The following FAM161A variants were observed in gnomAD, a reference collection of about 807,000 sequenced individuals.
FAM161A encodes protein FAM161A.
A neutral mutation model predicts 70.9 loss-of-function variants in FAM161A; 57 were observed. That is an observed-to-expected ratio of 0.80 (90% confidence interval 0.65 to 1.00). The LOEUF (loss-of-function observed/expected upper bound fraction) is 1.00, where lower values mean the gene tolerates loss of function less well. Ranked by LOEUF, FAM161A falls within the 50% of genes least tolerant of loss-of-function variation. FAM161A has a pLI of 0.00. For missense variants in FAM161A, 880 were observed against 836.0 expected (o/e 1.05, Z -0.65); for synonymous variants, 299 against 295.7 (o/e 1.01, Z -0.12).
In FAM161A at chr2:61,840,367, G is replaced by T. The variant is rs774563563; in HGVS notation, c.637C>A (p.Arg213Ser). Residue 213 changes from arginine (R) to serine (S), a missense_variant, in exon 3 of 7, where the codon CGC becomes AGC. Physicochemically the swap from Arg to Ser is moderately radical, Grantham distance 110 (BLOSUM62 -1). Transcript: ENST00000404929. ...WTDFCVEDYI[R>S]CKDTGFHAAE... ...GCATGGAAGCCAGTATCTTTACAGC[G>T]AATATAATCCTCAACACAAAAGTCT... The T allele has an allele frequency of 1.9e-6, 3 of 1,613,812 alleles. No individual in the cohort carries two copies. Among genetic ancestry groups the T allele is most frequent in the African/African-American group, 1.3e-5 (1 of 74,846 alleles).
chr2:61,818,176 C>T, the FAM161A span, among the ~76,000 whole-genome samples: 1 of 151,836 alleles, frequency 6.6e-6, no homozygotes, highest in Non-Finnish European at 1.5e-5. Context: ...CTGCCTCAGC[C>T]TCCTGAGTAG....
chr2:61,802,154 A>G, the FAM161A span, among the ~76,000 whole-genome samples: 1 of 152,228 alleles, frequency 6.6e-6, no homozygotes, highest in African/African-American at 2.4e-5. Flanking sequence ...AAAGTACTGC[A>G]TTTGACTTCA....
the FAM161A span, among the ~76,000 whole-genome samples, chr2:61,813,758 G>C: frequency 6.6e-6 from 1 of 151,128 alleles, no homozygotes; most frequent in Non-Finnish European, 1.5e-5. Flanking sequence ...GAAAAAAGTC[G>C]CTCTGATAGC....
chr2:61,824,297 C>T (rs1672277883), downstream of FAM161A, among the ~76,000 whole-genome samples: 1 of 151,826 alleles, frequency 6.6e-6, no homozygotes, highest in Non-Finnish European at 1.5e-5. Context: ...CTCGGCCTCC[C>T]AAAGTGAACA....
In FAM161A at chr2:61,839,785, T is replaced by G; in HGVS notation, c.1219A>C (p.Arg407=). ...PLPCRSACGC[R]NPRCPEQAVK... is the part of the protein sequence containing the mutation. The stretch of plus-strand genomic sequence containing the variant: ...GCCTGTTCAGGACACCTGGGGTTCC[T>G]GCATCCACAAGCTGACCTACAAGGC... The change falls in exon 3 of 7, where the codon AGG becomes CGG. Residue 407 remains arginine, a synonymous_variant. Coordinates refer to ENST00000404929, the MANE Select transcript of FAM161A (RefSeq NM_001201543.2). 6.2e-7 allele frequency: 1 copy of G among 1,614,158 alleles called. No homozygotes were observed. Among genetic ancestry groups the G allele is most frequent in the Non-Finnish European group, 8.5e-7 (1 of 1,180,022 alleles).
rs1438182060 is a variant in FAM161A at position 61,825,793 on chromosome 2, A to G, written c.*662T>C. The G allele has an allele frequency of 2.4e-6, 1 of 418,128 alleles. No individual in the cohort carries two copies. Among genetic ancestry groups the G allele is most frequent in the Non-Finnish European group, 4.7e-6 (1 of 211,968 alleles). The allele number at this position is 418,128 out of a possible 1,614,324, so 25.9% of individuals were successfully genotyped here. A position where few individuals can be genotyped will look rare whatever the true frequency, so the allele number is the denominator to read the frequency against. ...GCTGGGACTACAGGCGCCCACCACCACGCCTGGCTAATTTTTTGTATTTTT... is the reference window on the plus strand; with the variant it reads ...GCTGGGACTACAGGCGCCCACCACCGCGCCTGGCTAATTTTTTGTATTTTT... On this transcript the variant is annotated 3_prime_UTR_variant, in exon 7 of 7. Transcript: ENST00000404929.
At chr2:61,827,420 C>T (rs1451900016) in intron 5 of FAM161A, among the ~76,000 whole-genome samples, 162 bp from the exon 6 acceptor site, 1 of 152,018 alleles carries the variant, frequency 6.6e-6, no homozygotes, top group Admixed American at 6.6e-5. Context: ...ACCATCCTGG[C>T]TAACACGGTG....
chr2:61,851,226 G>A (rs1267255301), intron 1 of FAM161A, among the ~76,000 whole-genome samples: 2 of 152,156 alleles, frequency 1.3e-5, no homozygotes, highest in African/African-American at 4.8e-5. Context: ...ATTCTGTGAG[G>A]ATGTGAGCTA....
At chr2:61,853,158 C>T (rs899403081) in intron 1 of FAM161A, among the ~76,000 whole-genome samples, 2 of 152,092 alleles carry the variant, frequency 1.3e-5, no homozygotes, top group Admixed American at 6.5e-5. Context: ...AACCCGCCCA[C>T]CTCGGCCTCC....
chr2:61,849,826 C>A (rs909210412), intron 1 of FAM161A, among the ~76,000 whole-genome samples: 1 of 144,440 alleles, frequency 6.9e-6, no homozygotes, highest in Non-Finnish European at 1.5e-5. Flanking sequence ...TCCTTCACAG[C>A]CACGTGGATG....
rs1427605540 is a variant in FAM161A at position 61,826,531 on chromosome 2, C to T, written c.2075G>A (p.Ser692Asn). The change falls in exon 7 of 7, where the codon AGC becomes AAC. Residue 692 changes from serine (S) to asparagine (N), a missense_variant. Physicochemically the swap from Ser to Asn is conservative, Grantham distance 46. Coordinates refer to ENST00000404929, the MANE Select transcript of FAM161A (RefSeq NM_001201543.2). ...GEENYFIDTN[S>N]QDSYKEKDEA... is the part of the protein sequence containing the mutation. ...ATCTTTTTCCTTGTAAGAATCCTGG[C>T]TGTTGGTATCAATAAAATAATTTTC... The T allele has an allele frequency of 6.2e-7, 1 of 1,604,390 alleles. No homozygotes were observed. Among genetic ancestry groups the T allele is most frequent in the Middle Eastern group, 1.7e-4 (1 of 5,992 alleles).
chr2:61,817,955 C>A, the FAM161A span, among the ~76,000 whole-genome samples: 1 of 152,048 alleles, frequency 6.6e-6, no homozygotes, highest in Non-Finnish European at 1.5e-5. Flanking sequence ...AAGACCCTGT[C>A]TGGAACAAAC....
chr2:61,825,719 G>A lies in FAM161A; in HGVS notation c.*736C>T, dbSNP rs1210426137. ...GTGGCGCGATCTCGGCTCACTGCAA[G>A]CTCTGCCTCCTGGGTTCATGCCATT... On this transcript the variant is annotated 3_prime_UTR_variant, in exon 7 of 7. Transcript: ENST00000404929. 1.4e-5 allele frequency: 6 copies of A among 414,742 alleles called. No individual in the cohort carries two copies. Among genetic ancestry groups the A allele is most frequent in the Non-Finnish European group, 2.3e-5 (5 of 213,224 alleles). 25.7% of individuals were successfully genotyped at this position (414,742 alleles called of 1,614,324 possible). A position where few individuals can be genotyped will look rare whatever the true frequency, so the allele number is the denominator to read the frequency against.
At chr2:61,836,349 A>C in intron 4 of FAM161A, 1 of 442,224 alleles carries the variant, frequency 2.3e-6, no homozygotes, top group Non-Finnish European at 4.1e-6. Context: ...CACACATATT[A>C]TGCTCTAGGA....
chr2:61,826,216 A>G lies in FAM161A; in HGVS notation c.*239T>C, dbSNP rs1368183838. On this transcript the variant is annotated 3_prime_UTR_variant, in exon 7 of 7. Coordinates refer to ENST00000404929, the MANE Select transcript of FAM161A (RefSeq NM_001201543.2). ...GTGGTTCTCACTTTTTAAAAATACA[A>G]AATCATAGTTGCAAACAGATAATAC... 1.5e-6 allele frequency: 1 copy of G among 647,504 alleles called. No individual in the cohort carries two copies. 40.1% of individuals were successfully genotyped at this position (647,504 alleles called of 1,614,324 possible). A position where few individuals can be genotyped will look rare whatever the true frequency, so the allele number is the denominator to read the frequency against.
chr2:61,806,971 C>T, the FAM161A span, among the ~76,000 whole-genome samples: 31 of 152,124 alleles, frequency 2.0e-4, no homozygotes, highest in Admixed American at 1.8e-3. Context: ...GGATTACAGG[C>T]GTGAGCCACC....
downstream of FAM161A, chr2:61,820,666 T>G (rs559621887): frequency 2.2e-6 from 1 of 456,490 alleles, no homozygotes; most frequent in African/African-American, 2.0e-5. Context: ...TAGAGCTGTG[T>G]AACAAGGGAA....
At chr2:61,819,419 C>T in the FAM161A span, among the ~76,000 whole-genome samples, 1 of 152,064 alleles carries the variant, frequency 6.6e-6, no homozygotes, top group South Asian at 2.1e-4. Context: ...GCCATGATCC[C>T]GCTGCTACAC....
chr2:61,826,763 G>T (rs941194514), intron 6 of FAM161A, among the ~76,000 whole-genome samples, 164 bp from the exon 7 acceptor site: 1 of 152,062 alleles, frequency 6.6e-6, no homozygotes, highest in Non-Finnish European at 1.5e-5. Context: ...CTATAAAAGT[G>T]CCCATTGAGA....
Sources: allele counts gnomAD v4.1 joint callset (sites outside exome capture counted in the v4.1 genomes callset), GRCh38; gene constraint gnomAD v4.1.1; transcripts MANE v1.5; gene names NCBI Gene and HGNC (gene_info 2026-07-23, HGNC 2026-07-21).